PCDH15: variants seen among roughly 807,000 people sequenced by gnomAD.
PCDH15 encodes the protein protocadherin related 15, also known as protocadherin-15.
Under a neutral mutation model 178.5 loss-of-function variants are expected in PCDH15, and 129 were observed. The ratio of observed to expected loss-of-function variants is 0.72; its 90% confidence interval spans 0.63 to 0.84. The LOEUF (loss-of-function observed/expected upper bound fraction) is 0.84. Ranked by LOEUF, PCDH15 falls within the 40% of genes least tolerant of loss-of-function variation. The pLI, the probability that PCDH15 is intolerant of heterozygous loss-of-function variation, is 0.00. For synonymous variants in PCDH15, 800 were observed against 732.0 expected, an observed-to-expected ratio of 1.09 and a Z score of -1.50; for missense variants, 2,230 against 2,099.9, an observed-to-expected ratio of 1.06 and a Z score of -1.21.
chr10:54,922,378 C>G lies in PCDH15; in HGVS notation c.-79-24878G>C, dbSNP rs144815737. On this transcript the variant is annotated intron_variant, in intron 2 of 5. Coordinates refer to the PCDH15 transcript ENST00000458638. ...CCTATTCCAAAAGAGAGAAATTGGC[C>G]AAAACAAGGGAGCTATAGGCCCTAT... 2.9e-4 allele frequency among the ~76,000 whole-genome samples: 44 copies of G among 152,132 alleles called. 2 individuals carry two copies. The East Asian group carries it at 7.6e-3, about 26-fold the overall frequency.
At chr10:54,496,412 A>T (rs2080116493) in intron 3 of PCDH15, among the ~76,000 whole-genome samples, 1 of 152,086 alleles carries the variant, frequency 6.6e-6, no homozygotes, top group Non-Finnish European at 1.5e-5. Flanking sequence ...AGATACAGGA[A>T]CTATTTTGCA....
At chr10:55,246,564 T>G (rs1841684087) in intron 1 of PCDH15, among the ~76,000 whole-genome samples, 1 of 152,172 alleles carries the variant, frequency 6.6e-6, no homozygotes, top group Non-Finnish European at 1.5e-5. Context: ...GGTAATAAAT[T>G]CCAATTTAGG....
intron 2 of PCDH15, among the ~76,000 whole-genome samples, chr10:55,513,767 T>G (rs1840944899): frequency 6.6e-6 from 1 of 152,120 alleles, no homozygotes; most frequent in South Asian, 2.1e-4. Context: ...AAAGGACATT[T>G]AGACTGCAAT....
intron 8 of PCDH15, among the ~76,000 whole-genome samples, chr10:54,256,165 C>T (rs1266083222): frequency 6.6e-6 from 1 of 152,106 alleles, no homozygotes; most frequent in Non-Finnish European, 1.5e-5. Flanking sequence ...GTCTAAGACT[C>T]ATCTTTGAAG....
chr10:54,126,418 CCCT>C lies in PCDH15; in HGVS notation c.1917+6454_1917+6456del, dbSNP rs1393363512. 5.3e-5 allele frequency among the ~76,000 whole-genome samples: 8 copies of C among 152,234 alleles called. No homozygotes were observed. The East Asian group carries it at 1.5e-3, about 29-fold the overall frequency. On this transcript the variant is annotated intron_variant, in intron 15 of 37. Transcript: ENST00000644397. ...TCCCTACACTGAAGACAATCAACCT[CCCT>C]CCTATTAACCAACCACTTATCCTGC...
intron 18 of PCDH15, among the ~76,000 whole-genome samples, chr10:54,038,323 A>T (rs2135489095): frequency 6.6e-6 from 1 of 151,984 alleles, no homozygotes; most frequent in Non-Finnish European, 1.5e-5. Context: ...AGGTGTTTGC[A>T]GGTGGGTTCT....
intron 1 of PCDH15, among the ~76,000 whole-genome samples, chr10:54,765,900 TA>T (rs1948449393): frequency 6.6e-6 from 1 of 152,262 alleles, no homozygotes; most frequent in Admixed American, 6.5e-5. Context: ...ATGTTCACAT[TA>T]CTTTTCATGC....
intron 2 of PCDH15, among the ~76,000 whole-genome samples, chr10:55,597,967 C>A: frequency 6.6e-6 from 1 of 152,036 alleles, no homozygotes; most frequent in East Asian, 1.9e-4. Flanking sequence ...TGAGAATGCC[C>A]TCCAGATCAC....
chr10:55,162,380 C>G (rs2132114544), intron 2 of PCDH15, among the ~76,000 whole-genome samples: 1 of 152,062 alleles, frequency 6.6e-6, no homozygotes, highest in Middle Eastern at 3.4e-3. Context: ...GTATTTTTTT[C>G]CAGAAGTTTT....
At chr10:54,267,317 T>C (rs1267235577) in intron 8 of PCDH15, among the ~76,000 whole-genome samples, 1 of 151,788 alleles carries the variant, frequency 6.6e-6, no homozygotes, top group Non-Finnish European at 1.5e-5. Flanking sequence ...CAGTCTACAT[T>C]ATACTAAATA....
chr10:53,864,333 T>TAAACAAAC (rs1026255792), intron 27 of PCDH15, among the ~76,000 whole-genome samples: 1 of 150,008 alleles, frequency 6.7e-6, no homozygotes, highest in Admixed American at 7.4e-5. Context: ...TTCCTAAAGC[T>TAAACAAAC]AAACAAACAA....
chr10:54,797,033 G>A (rs182974891), intron 1 of PCDH15, among the ~76,000 whole-genome samples: 1 of 152,138 alleles, frequency 6.6e-6, no homozygotes, highest in East Asian at 1.9e-4. Context: ...GCATTCATTA[G>A]CTGGGCTTCC....
chr10:54,804,146 TCTC>T (rs1424895539), upstream of PCDH15, among the ~76,000 whole-genome samples: 2 of 152,148 alleles, frequency 1.3e-5, no homozygotes, highest in African/African-American at 4.8e-5. Flanking sequence ...TTCACGCCAT[TCTC>T]CTGCCTCAGC....
intron 1 of PCDH15, among the ~76,000 whole-genome samples, chr10:55,232,229 G>T (rs922201499): frequency 1.3e-5 from 2 of 151,844 alleles, no homozygotes; most frequent in Non-Finnish European, 2.9e-5. Context: ...AGATATCATT[G>T]GGAGTAATTT....
chr10:55,498,199 G>T (rs777982318), intron 2 of PCDH15, among the ~76,000 whole-genome samples: 22 of 151,750 alleles, frequency 1.4e-4, no homozygotes, highest in Admixed American at 6.6e-5. Context: ...TTTAAGTTTC[G>T]TTCTGTGTCT....
intron 25 of PCDH15, among the ~76,000 whole-genome samples, chr10:53,921,954 T>C (rs1401039917): frequency 6.6e-6 from 1 of 152,186 alleles, no homozygotes; most frequent in African/African-American, 2.4e-5. Context: ...AATGTAGATT[T>C]TTCATTTTGT....
chr10:54,060,634 T>C (rs969673109), intron 18 of PCDH15, among the ~76,000 whole-genome samples: 1 of 152,212 alleles, frequency 6.6e-6, no homozygotes, highest in Admixed American at 6.5e-5. Context: ...AGAAGCTAAA[T>C]TAGTTATCCA....
chr10:54,016,117 G>T lies in PCDH15; in HGVS notation c.2751+4075C>A, dbSNP rs1175587420. ...TAAAAAGTGGGCAAAAGATATGAAC[G>T]CACACTTTTCAGAAGAAGACATACA... On this transcript the variant is annotated intron_variant, in intron 20 of 37. Coordinates refer to ENST00000644397, the MANE Select transcript of PCDH15 (RefSeq NM_001384140.1). Among the ~76,000 whole-genome samples the T allele has an allele frequency of 2.6e-5, 4 of 151,746 alleles. No homozygotes were observed. In the South Asian group the frequency reaches 8.3e-4, roughly 32 times the overall value.
intron 2 of PCDH15, among the ~76,000 whole-genome samples, chr10:54,585,746 T>G (rs1414744508): frequency 6.6e-6 from 1 of 152,168 alleles, no homozygotes; most frequent in Non-Finnish European, 1.5e-5. Flanking sequence ...GCAATCAACT[T>G]CAGCAGGTTC....
Sources: gnomAD v4.1 joint callset for allele counts (sites outside exome capture counted in the v4.1 genomes callset) on GRCh38, gnomAD v4.1.1 for gene constraint, MANE v1.5 for transcripts, NCBI Gene and HGNC (gene_info 2026-07-23, HGNC 2026-07-21) for gene names.